The following MGAT5 variants were observed in gnomAD, a reference collection of about 807,000 sequenced individuals.
The protein encoded by MGAT5 is alpha-1,6-mannosylglycoprotein 6-beta-N-acetylglucosaminyltransferase, also known as alpha-1,6-mannosylglycoprotein 6-beta-N-acetylglucosaminyltransferase A.
In MGAT5, 30 loss-of-function variants were observed where a neutral mutation model predicts 94.3. The ratio of observed to expected loss-of-function variants is 0.32; its 90% confidence interval spans 0.24 to 0.43. The LOEUF (loss-of-function observed/expected upper bound fraction) is 0.43. MGAT5 is among the 20% of genes least tolerant of loss of function. The probability of loss-of-function intolerance (pLI) is 1.00; values close to 1 mark genes in which losing one functional copy is unlikely to be tolerated. For synonymous variants in MGAT5, 310 were observed against 322.9 expected (o/e 0.96, Z 0.43); for missense variants, 691 against 905.5 (o/e 0.76, Z 3.04).
intron 1 of MGAT5, among the ~76,000 whole-genome samples, chr2:134,184,736 C>T (rs1456038225): frequency 6.6e-6 from 1 of 151,794 alleles, no homozygotes; most frequent in Non-Finnish European, 1.5e-5. Context: ...TGTGTCTGTA[C>T]CCTACTACAT....
chr2:134,195,070 A>G (rs1679432035), intron 1 of MGAT5, among the ~76,000 whole-genome samples: 1 of 152,152 alleles, frequency 6.6e-6, no homozygotes, highest in Admixed American at 6.5e-5. Context: ...CTGATCTCAA[A>G]TATCCCCCAG....
chr2:134,387,328 A>ATTTTTT (rs1461083019), intron 10 of MGAT5, among the ~76,000 whole-genome samples: 3 of 40,294 alleles, frequency 7.4e-5, no homozygotes, highest in South Asian at 1.1e-3. Flanking sequence ...ATATATATAT[A>ATTTTTT]TATATTTTTT....
chr2:134,367,249 G>A lies in MGAT5; in HGVS notation c.1380+4841G>A, dbSNP rs140430111. Among the ~76,000 whole-genome samples, 536 of 152,298 alleles carry A rather than the reference G, an allele frequency of 3.5e-3. 1 individual carries two copies. The highest frequency in any genetic ancestry group is 0.012 in the African/African-American group (514 of 41,550). On this transcript the variant is annotated intron_variant, in intron 10 of 15. Coordinates refer to ENST00000281923, the MANE Select transcript of MGAT5 (RefSeq NM_002410.5). ...GCTGCTCTTACTAATATCATTATTG[G>A]GGCCAGATAGGAAATGCTGCAGTGG... is the stretch of plus-strand genomic sequence containing the variant.
At chr2:134,225,566 T>A (rs1681017606) in intron 1 of MGAT5, among the ~76,000 whole-genome samples, 1 of 152,244 alleles carries the variant, frequency 6.6e-6, no homozygotes, top group Admixed American at 6.5e-5. Context: ...AGTATGTGAT[T>A]TGGTTTTTTA....
intron 2 of MGAT5, among the ~76,000 whole-genome samples, chr2:134,274,813 C>G (rs759981873): frequency 1.7e-4 from 26 of 152,194 alleles, no homozygotes; most frequent in Non-Finnish European, 3.1e-4. Flanking sequence ...GTTGAACTTA[C>G]AGCAACCCTG....
chr2:134,263,678 G>C (rs1683478655), intron 1 of MGAT5, among the ~76,000 whole-genome samples: 1 of 152,160 alleles, frequency 6.6e-6, no homozygotes, highest in East Asian at 1.9e-4. Flanking sequence ...GGTGGGTATT[G>C]CCTTACATGA....
chr2:134,309,710 A>T (rs60969888), intron 2 of MGAT5, among the ~76,000 whole-genome samples: 2,653 of 152,120 alleles, frequency 0.017, 91 homozygotes, highest in African/African-American at 0.06. Context: ...ATCAGAATGG[A>T]GGGTTGGTGT....
chr2:134,249,237 G>GT (rs930656886), upstream of MGAT5, among the ~76,000 whole-genome samples: 129 of 144,158 alleles, frequency 8.9e-4, 1 homozygote, highest in African/African-American at 1.7e-3. Context: ...TTTTTTAACA[G>GT]TTTTTTTTTT....
chr2:134,415,063 T>C (rs567463258), intron 12 of MGAT5, among the ~76,000 whole-genome samples: 1 of 152,386 alleles, frequency 6.6e-6, no homozygotes, highest in African/African-American at 2.4e-5. Flanking sequence ...TTATGAATAA[T>C]GCTGCAGTGT....
chr2:134,234,696 G>A (rs941789862), intron 1 of MGAT5, among the ~76,000 whole-genome samples: 1 of 152,254 alleles, frequency 6.6e-6, no homozygotes, highest in Admixed American at 6.5e-5. Context: ...GTGTTGGGTG[G>A]TGAATGAGGG....
rs557720061 is a variant in MGAT5 at position 134,170,840 on chromosome 2, A to G, written c.-143+50549A>G. Among the ~76,000 whole-genome samples, 33 of 150,882 alleles carry G rather than the reference A, an allele frequency of 2.2e-4. 2 individuals are homozygous for G. In the South Asian group the frequency reaches 6.7e-3, roughly 31 times the overall value. On this transcript the variant is annotated intron_variant, in intron 1 of 16. Transcript: ENST00000409645. The stretch of plus-strand genomic sequence containing the variant: ...ATAGCCAATCAGAAGCACATAGTAG[A>G]TATAGATCTCTACTCTTTTTTTTTT...
rs1248386275 is a variant in MGAT5, at chr2:134,236,714, A to G, written c.-142-17548A>G. Among the ~76,000 whole-genome samples, 5 of 152,316 alleles carry G rather than the reference A, an allele frequency of 3.3e-5. No homozygotes were observed. In the East Asian group the frequency reaches 9.7e-4, roughly 29 times the overall value. On this transcript the variant is annotated intron_variant, in intron 1 of 16. Transcript: ENST00000409645. ...TAGCAGTGTGAGAACAGACTAATAC[A>G]GGGACACGCCAATAGGGCCCCTGAT...
chr2:134,265,768 A>G (rs1270231806), intron 1 of MGAT5, among the ~76,000 whole-genome samples: 1 of 152,242 alleles, frequency 6.6e-6, no homozygotes, highest in Non-Finnish European at 1.5e-5. Context: ...ATAAGACGCA[A>G]TGAAATATTA....
At position 134,186,380 on chromosome 2, in the gene MGAT5, CT is replaced by C. The variant is rs201791165; in HGVS notation, c.-143+66102del. ...GGAAAAAGGAGCCCTGGAGTCGTTT[CT>C]TTTTTTTTTTTTACTTGGAATTTCT... On this transcript the variant is annotated intron_variant, in intron 1 of 16. Transcript: ENST00000409645. Among the ~76,000 whole-genome samples, 2,710 of 135,416 alleles carry C rather than the reference CT, an allele frequency of 0.02. 181 individuals are homozygous for C. The East Asian group carries it at 0.27, about 14-fold the overall frequency. 88.8% of individuals were successfully genotyped at this position (135,416 alleles called of 152,430 possible). A position where few individuals can be genotyped will look rare whatever the true frequency, so the allele number is the denominator to read the frequency against.
At chr2:134,201,699 A>G (rs970653926) in intron 1 of MGAT5, among the ~76,000 whole-genome samples, 1 of 152,090 alleles carries the variant, frequency 6.6e-6, no homozygotes, top group Non-Finnish European at 1.5e-5. Flanking sequence ...ACAGTGGCAC[A>G]ATGCTAATGA....
At chr2:134,392,503 A>G (rs890079375) in intron 10 of MGAT5, among the ~76,000 whole-genome samples, 2 of 152,192 alleles carry the variant, frequency 1.3e-5, no homozygotes, top group Non-Finnish European at 2.9e-5. Flanking sequence ...TCAAACACAA[A>G]GAGATCGTGC....
At chr2:134,360,727 G>GTT (rs1680034083) in intron 9 of MGAT5, among the ~76,000 whole-genome samples, 1 of 152,168 alleles carries the variant, frequency 6.6e-6, no homozygotes, top group Non-Finnish European at 1.5e-5. Flanking sequence ...TTCTCAAAAG[G>GTT]GGGGAGAAAA....
At chr2:134,410,202 A>G (rs1423677448) in intron 11 of MGAT5, among the ~76,000 whole-genome samples, 2 of 152,242 alleles carry the variant, frequency 1.3e-5, no homozygotes, top group African/African-American at 2.4e-5. Flanking sequence ...TGGCAAGACC[A>G]TAAGTGCAAG....
intron 10 of MGAT5, among the ~76,000 whole-genome samples, chr2:134,400,228 A>G (rs1682957950): frequency 6.6e-6 from 1 of 152,192 alleles, no homozygotes; most frequent in Admixed American, 6.5e-5. Flanking sequence ...TGGAATAGGC[A>G]GCGTGGTTCA....
Sources: gnomAD v4.1 joint callset for allele counts (sites outside exome capture counted in the v4.1 genomes callset) on GRCh38, gnomAD v4.1.1 for gene constraint, MANE v1.5 for transcripts, NCBI Gene and HGNC (gene_info 2026-07-23, HGNC 2026-07-21) for gene names.